RNF10: variants seen among roughly 807,000 people sequenced by gnomAD.
The protein encoded by RNF10 is ring finger protein 10, also known as E3 ubiquitin-protein ligase RNF10.
RNF10 carries 38 observed loss-of-function variants against 91.4 expected under a neutral mutation model. The ratio of observed to expected loss-of-function variants is 0.42; its 90% CI spans 0.32 to 0.54. The LOEUF is 0.54. RNF10 is among the 20% of genes least tolerant of loss of function. The pLI, the probability that RNF10 is intolerant of heterozygous loss-of-function variation, is 0.16. For synonymous variants in RNF10, 364 were observed against 366.3 expected (o/e 0.99, Z 0.07); for missense variants, 945 against 1,012.0 (o/e 0.93, Z 0.90).
chr12:120,560,944 A>G, intron 7 of RNF10, 58 bp downstream of exon 7: 4 of 1,562,978 alleles, frequency 2.6e-6, no homozygotes, highest in Non-Finnish European at 3.5e-6. Flanking sequence ...TCTGTGGTGA[A>G]AACCAGAAAT....
chr12:120,550,234 A>G (rs1298403366), intron 2 of RNF10, among the ~76,000 whole-genome samples: 1 of 152,162 alleles, frequency 6.6e-6, no homozygotes, highest in Non-Finnish European at 1.5e-5. Flanking sequence ...ACAGCTGTAG[A>G]ACGGAAACCT....
intron 13 of RNF10, among the ~76,000 whole-genome samples, chr12:120,568,753 G>C (rs900780439): frequency 1.3e-5 from 2 of 152,088 alleles, no homozygotes; most frequent in African/African-American, 4.8e-5. Context: ...TGGGATTGCA[G>C]GTGGGAGCTA....
rs1160677224 is a variant in RNF10, at chr12:120,560,960, A to G, written c.1128+74A>G. 2.0e-6 allele frequency: 3 copies of G among 1,468,514 alleles called. No individual in the cohort carries two copies. In the East Asian group the frequency reaches 6.9e-5, roughly 34 times the overall value. The allele number at this position is 1,468,514 out of a possible 1,614,324, so 91.0% of individuals were successfully genotyped here. ...CTGTGGTGAAAACCAGAAATGCTAA[A>G]CCTTTTCACTCTGTCGGGGGTGAGA... On this transcript the variant is annotated intron_variant, in intron 7 of 16. Coordinates refer to ENST00000325954, the MANE Select transcript of RNF10 (RefSeq NM_014868.5).
intron 13 of RNF10, among the ~76,000 whole-genome samples, chr12:120,567,348 CAGTTT>C (rs1485669886): frequency 5.3e-5 from 7 of 131,302 alleles, no homozygotes; most frequent in Admixed American, 1.6e-4. Context: ...AAAAAAAAAA[CAGTTT>C]AGAAAGCCTA....
Position 120,548,311 on chromosome 12 carries a change from G to A in RNF10, c.354+1710G>A, listed in dbSNP as rs192904421. ...TTGGTGCTTAAAGCTGTGGAACTAA[G>A]TGAGATAGATTAAGGAGTGAGTGTT... On this transcript the variant is annotated intron_variant, in intron 2 of 16. Coordinates refer to ENST00000325954, the MANE Select transcript of RNF10 (RefSeq NM_014868.5). Among the ~76,000 whole-genome samples, 180 of 152,328 alleles carry A rather than the reference G, an allele frequency of 1.2e-3. 1 individual carries two copies. Among genetic ancestry groups the A allele is most frequent in the Admixed American group, 4.1e-3 (63 of 15,282 alleles).
At chr12:120,562,908 A>G (rs771214352) in intron 7 of RNF10, 37 bp from the exon 8 acceptor site, 1 of 1,613,014 alleles carries the variant, frequency 6.2e-7, no homozygotes, top group South Asian at 1.1e-5. Context: ...GTGTCTGGAA[A>G]CTTAACCTTC....
intron 6 of RNF10, among the ~76,000 whole-genome samples, chr12:120,560,345 G>C (rs767015719): frequency 1.3e-5 from 2 of 151,782 alleles, no homozygotes; most frequent in Non-Finnish European, 2.9e-5. Context: ...GTAGAGACGG[G>C]GTTTCACCAT....
At chr12:120,540,814 G>C (rs916604555) in intron 1 of RNF10, among the ~76,000 whole-genome samples, 12 of 151,872 alleles carry the variant, frequency 7.9e-5, no homozygotes, top group African/African-American at 2.9e-4. Context: ...AATAAGTGAA[G>C]AAATGAAGAC....
chr12:120,573,852 G>C (rs913707347), intron 14 of RNF10, among the ~76,000 whole-genome samples: 6 of 152,176 alleles, frequency 3.9e-5, no homozygotes, highest in African/African-American at 1.2e-4. Flanking sequence ...AGCTACTTCA[G>C]ATCCCTTCTG....
chr12:120,563,668 C>G (rs746913283), intron 9 of RNF10, 45 bp downstream of exon 9: 23 of 1,569,836 alleles, frequency 1.5e-5, no homozygotes, highest in African/African-American at 6.8e-5. Flanking sequence ...AGAGGTGTTT[C>G]AGAGGTGACC....
intron 1 of RNF10, 75 bp downstream of exon 1, chr12:120,535,043 G>A: frequency 1.4e-6 from 2 of 1,434,230 alleles, no homozygotes; most frequent in South Asian, 2.7e-5. Flanking sequence ...CTCATCGGCT[G>A]GGTTACTCGG....
rs1385837250 is a variant in RNF10, at chr12:120,557,652, A to G, written c.937A>G (p.Met313Val). 3.7e-6 allele frequency: 6 copies of G among 1,614,230 alleles called. No individual in the cohort carries two copies. Among genetic ancestry groups the G allele is most frequent in the Non-Finnish European group, 5.1e-6 (6 of 1,180,038 alleles). Residue 313 changes from methionine to valine, a missense_variant, in exon 6 of 17, where the codon ATG (methionine) becomes GTG (valine). Coordinates refer to ENST00000325954, the MANE Select transcript of RNF10 (RefSeq NM_014868.5). ...VLVALPKSKW[M>V]NVDHPIHLGD... Reference sequence around the variant, plus strand: ...GGTGGCTTTGCCCAAATCCAAATGGATGAATGTAGACCATCCCATTCATCT... The same window carrying G: ...GGTGGCTTTGCCCAAATCCAAATGGGTGAATGTAGACCATCCCATTCATCT...
intron 2 of RNF10, among the ~76,000 whole-genome samples, chr12:120,551,268 G>A (rs910999282): frequency 1.1e-4 from 16 of 147,464 alleles, no homozygotes; most frequent in Non-Finnish European, 3.0e-5. Flanking sequence ...TTATAGATGT[G>A]AGCCACTGCG....
chr12:120,570,650 G>T (rs1354030760), intron 13 of RNF10, among the ~76,000 whole-genome samples: 2 of 152,182 alleles, frequency 1.3e-5, no homozygotes, highest in East Asian at 1.9e-4. Context: ...GAAGTGTTCA[G>T]CTCTAGTCAG....
intron 1 of RNF10, among the ~76,000 whole-genome samples, chr12:120,536,514 G>T (rs1870828763): frequency 6.6e-6 from 1 of 152,148 alleles, no homozygotes; most frequent in African/African-American, 2.4e-5. Context: ...GAGTTCACCT[G>T]CTGGATATGG....
chr12:120,576,769 A>G lies in RNF10; in HGVS notation c.*103A>G, dbSNP rs2137282060. ...GTAATTTTTAAGTATTTGAGTTTGA[A>G]CAGATTAGCTCTGGGGGGAGGGGGT... On this transcript the variant is annotated 3_prime_UTR_variant, in exon 17 of 17. Transcript: ENST00000325954. 6.7e-7 allele frequency: 1 copy of G among 1,503,068 alleles called. No individual in the cohort carries two copies. Among genetic ancestry groups the G allele is most frequent in the Non-Finnish European group, 9.0e-7 (1 of 1,110,500 alleles). The allele number at this position is 1,503,068 out of a possible 1,614,324, so 93.1% of individuals were successfully genotyped here. A position where few individuals can be genotyped will look rare whatever the true frequency, so the allele number is the denominator to read the frequency against.
intron 3 of RNF10, among the ~76,000 whole-genome samples, chr12:120,553,284 T>G (rs1013759876): frequency 1.3e-5 from 2 of 151,268 alleles, no homozygotes; most frequent in East Asian, 3.9e-4. Flanking sequence ...GAGACGGGGT[T>G]TCACCATATT....
intron 6 of RNF10, among the ~76,000 whole-genome samples, chr12:120,559,343 G>A (rs1874502067): frequency 6.6e-6 from 1 of 151,406 alleles, no homozygotes; most frequent in Non-Finnish European, 1.5e-5. Context: ...CACCACGCCC[G>A]GCTAATTTTT....
rs1377344370 is a variant in RNF10 at position 120,552,703 on chromosome 12, G to A, written c.554+5G>A. ...GGAACTCTTTTTACAGGCCAAGTGAGTATTGCTACCCCTCAGAGGAAAGGG... is the reference window on the plus strand; with the variant it reads ...GGAACTCTTTTTACAGGCCAAGTGAATATTGCTACCCCTCAGAGGAAAGGG... On this transcript the variant is annotated splice_donor_5th_base_variant and intron_variant, in intron 3 of 16. Coordinates refer to ENST00000325954, the MANE Select transcript of RNF10 (RefSeq NM_014868.5). 1.9e-6 allele frequency: 3 copies of A among 1,612,822 alleles called. No individual in the cohort carries two copies.
Sources: gnomAD v4.1 joint callset for allele counts (sites outside exome capture counted in the v4.1 genomes callset) on GRCh38, gnomAD v4.1.1 for gene constraint, MANE v1.5 for transcripts, NCBI Gene and HGNC (gene_info 2026-07-23, HGNC 2026-07-21) for gene names.